The following GALNTL6 variants were observed in gnomAD, a reference collection of about 807,000 sequenced individuals.
GALNTL6 encodes the protein polypeptide N-acetylgalactosaminyltransferase like 6.
GALNTL6 carries 46 observed loss-of-function variants against 73.7 expected under a neutral mutation model. That is an observed-to-expected ratio of 0.62 (90% confidence interval 0.49 to 0.80). GALNTL6 has a LOEUF of 0.80. Ranked by LOEUF, GALNTL6 falls within the 30% of genes least tolerant of loss-of-function variation. The pLI is 0.00. For missense variants in GALNTL6, 604 were observed against 755.0 expected (o/e 0.80, Z 2.34); for synonymous variants, 259 against 263.7 (o/e 0.98, Z 0.17).
At chr4:172,996,163 GAC>G (rs10658403) in intron 10 of GALNTL6, among the ~76,000 whole-genome samples, 120 of 147,986 alleles carry the variant, frequency 8.1e-4, no homozygotes, top group African/African-American at 1.6e-3. Flanking sequence ...AAGAAAATGT[GAC>G]ACACACACAC....
intron 3 of GALNTL6, 75 bp from the exon 4 acceptor site, chr4:172,311,539 C>T: frequency 3.2e-6 from 4 of 1,257,146 alleles, no homozygotes; most frequent in Non-Finnish European, 3.2e-6. Flanking sequence ...ATACACATTC[C>T]AGTCTTCCTA....
chr4:173,016,421 C>G (rs899152542), intron 11 of GALNTL6, among the ~76,000 whole-genome samples: 2 of 152,228 alleles, frequency 1.3e-5, no homozygotes, highest in African/African-American at 4.8e-5. Flanking sequence ...TGTAAAGCCA[C>G]AGGGGCAGAG....
At chr4:172,982,712 TGAATGTGAC>T (rs1751120708) in intron 10 of GALNTL6, among the ~76,000 whole-genome samples, 1 of 152,052 alleles carries the variant, frequency 6.6e-6, no homozygotes, top group African/African-American at 2.4e-5. Context: ...CAAGAACATG[TGAATGTGAC>T]TTTTTCTGGA....
At chr4:172,787,895 C>T (rs1739750267) in intron 5 of GALNTL6, among the ~76,000 whole-genome samples, 1 of 152,096 alleles carries the variant, frequency 6.6e-6, no homozygotes, top group South Asian at 2.1e-4. Flanking sequence ...GAAGCCAGAT[C>T]ACAGAACATT....
chr4:172,371,736 A>G, intron 5 of GALNTL6, among the ~76,000 whole-genome samples: 1 of 141,182 alleles, frequency 7.1e-6, no homozygotes, highest in Non-Finnish European at 1.6e-5. Context: ...TCCTTCTTTG[A>G]CTTTGTCTCT....
At chr4:172,631,714 G>T (rs958587519) in intron 5 of GALNTL6, among the ~76,000 whole-genome samples, 4 of 152,162 alleles carry the variant, frequency 2.6e-5, no homozygotes, top group African/African-American at 9.7e-5. Flanking sequence ...TTGCTTTCAA[G>T]ATTCCCTCCA....
At chr4:172,031,867 A>T (rs1741781986) in intron 2 of GALNTL6, among the ~76,000 whole-genome samples, 1 of 152,132 alleles carries the variant, frequency 6.6e-6, no homozygotes, top group Non-Finnish European at 1.5e-5. Context: ...TAGATATAAT[A>T]ACTTGAAGAC....
intron 8 of GALNTL6, among the ~76,000 whole-genome samples, chr4:172,887,816 G>A (rs572643780): frequency 6.6e-6 from 1 of 151,934 alleles, no homozygotes; most frequent in Non-Finnish European, 1.5e-5. Flanking sequence ...TGCCTGCCTC[G>A]GCCTCCCAAA....
At chr4:172,301,928 T>C (rs1034617582) in intron 3 of GALNTL6, among the ~76,000 whole-genome samples, 2 of 152,170 alleles carry the variant, frequency 1.3e-5, no homozygotes, top group African/African-American at 4.8e-5. Context: ...CTGCAGAGGT[T>C]TGTGCTGCCT....
At chr4:172,914,190 G>A (rs1561030266) in intron 8 of GALNTL6, among the ~76,000 whole-genome samples, 1 of 152,174 alleles carries the variant, frequency 6.6e-6, no homozygotes. Flanking sequence ...TTACAGACAA[G>A]CAAATGCCGA....
At chr4:172,277,188 A>T (rs1738862444) in intron 3 of GALNTL6, among the ~76,000 whole-genome samples, 2 of 152,034 alleles carry the variant, frequency 1.3e-5, no homozygotes, top group Non-Finnish European at 2.9e-5. Flanking sequence ...AACTAAAAAG[A>T]GCAATATTTA....
intron 8 of GALNTL6, among the ~76,000 whole-genome samples, chr4:172,908,721 C>A (rs1370761399): frequency 6.7e-6 from 1 of 149,432 alleles, no homozygotes; most frequent in Non-Finnish European, 1.5e-5. Flanking sequence ...AAACAATTTA[C>A]AACAGTGAAA....
chr4:172,073,518 T>C (rs1404004568), intron 2 of GALNTL6, among the ~76,000 whole-genome samples: 48 of 152,162 alleles, frequency 3.2e-4, no homozygotes, highest in Non-Finnish European at 1.5e-5. Context: ...CTGGCTGCTA[T>C]GATTTTGATT....
At chr4:172,133,552 G>A (rs193044669) in intron 2 of GALNTL6, among the ~76,000 whole-genome samples, 1 of 152,328 alleles carries the variant, frequency 6.6e-6, no homozygotes, top group African/African-American at 2.4e-5. Flanking sequence ...ACACTCTTGG[G>A]TTTGTGTTGA....
intron 7 of GALNTL6, among the ~76,000 whole-genome samples, chr4:172,840,073 A>G (rs764440245): frequency 9.2e-5 from 14 of 152,172 alleles, no homozygotes; most frequent in Non-Finnish European, 1.6e-4. Flanking sequence ...AAACACATCC[A>G]CAGTAAGTCA....
chr4:172,972,830 C>A (rs1750643188), intron 10 of GALNTL6, among the ~76,000 whole-genome samples: 1 of 152,116 alleles, frequency 6.6e-6, no homozygotes, highest in South Asian at 2.1e-4. Flanking sequence ...TTAATTAAAA[C>A]AAATTGAATA....
chr4:172,813,421 A>G (rs1741422861), intron 6 of GALNTL6, 119 bp from the exon 7 acceptor site: 2 of 711,508 alleles, frequency 2.8e-6, no homozygotes, highest in Non-Finnish European at 2.3e-6. Context: ...TAAGGAGGAC[A>G]GGGAGCCACG....
At chr4:172,689,580 T>C (rs1190165681) in intron 5 of GALNTL6, among the ~76,000 whole-genome samples, 1 of 152,190 alleles carries the variant, frequency 6.6e-6, no homozygotes, top group Non-Finnish European at 1.5e-5. Context: ...TGAAGACAGA[T>C]ATTATTATTG....
At chr4:172,977,354 G>T (rs1750862895) in intron 10 of GALNTL6, among the ~76,000 whole-genome samples, 1 of 152,140 alleles carries the variant, frequency 6.6e-6, no homozygotes, top group African/African-American at 2.4e-5. Flanking sequence ...TTACTTCTCA[G>T]TCACCTTTTT....
Sources: gnomAD v4.1 joint callset for allele counts (sites outside exome capture counted in the v4.1 genomes callset) on GRCh38, gnomAD v4.1.1 for gene constraint, MANE v1.5 for transcripts, NCBI Gene and HGNC (gene_info 2026-07-23, HGNC 2026-07-21) for gene names.